Variants in SLC6A6 observed in about 807,000 individuals in gnomAD.
SLC6A6 encodes sodium- and chloride-dependent taurine transporter.
A neutral mutation model predicts 68.8 loss-of-function variants in SLC6A6; 16 were observed. That is an observed-to-expected ratio of 0.23 (90% CI 0.16 to 0.35). The LOEUF (loss-of-function observed/expected upper bound fraction) is 0.35. SLC6A6 is among the 10% of genes least tolerant of loss of function. The pLI is 1.00. For missense variants in SLC6A6, 474 were observed against 802.8 expected (o/e 0.59, Z 4.95); for synonymous variants, 312 against 315.4 (o/e 0.99, Z 0.12).
intron 2 of SLC6A6, among the ~76,000 whole-genome samples, chr3:14,442,819 G>A (rs1700022704): frequency 6.6e-6 from 1 of 152,194 alleles, no homozygotes; most frequent in Non-Finnish European, 1.5e-5. Context: ...AAGGGAACCT[G>A]GCTTATAGGA....
intron 6 of SLC6A6, among the ~76,000 whole-genome samples, chr3:14,465,198 A>G (rs931336528): frequency 2.6e-5 from 4 of 152,254 alleles, no homozygotes; most frequent in Non-Finnish European, 5.9e-5. Context: ...CCTTGTGTTG[A>G]ATAAGATGGG....
intron 2 of SLC6A6, among the ~76,000 whole-genome samples, chr3:14,431,959 T>G (rs1699734519): frequency 6.6e-6 from 1 of 152,184 alleles, no homozygotes; most frequent in Non-Finnish European, 1.5e-5. Context: ...AGGGTAACAC[T>G]GAGGCTGAAG....
At chr3:14,464,652 G>A (rs1700574932) in intron 6 of SLC6A6, among the ~76,000 whole-genome samples, 1 of 152,234 alleles carries the variant, frequency 6.6e-6, no homozygotes, top group Non-Finnish European at 1.5e-5. Flanking sequence ...GTGCCAGCTA[G>A]GTGAGGTTTG....
intron 6 of SLC6A6, among the ~76,000 whole-genome samples, chr3:14,462,964 A>T (rs1156881909): frequency 6.6e-6 from 1 of 152,082 alleles, no homozygotes. Flanking sequence ...GCCTGGGGAG[A>T]TACGTGGCCT....
intron 10 of SLC6A6, among the ~76,000 whole-genome samples, chr3:14,475,987 G>A (rs1457888766): frequency 1.3e-5 from 2 of 152,226 alleles, no homozygotes; most frequent in African/African-American, 4.8e-5. Context: ...CGTCCCAAAG[G>A]AGGAAGGGGT....
chr3:14,484,336 T>C (rs906605149), intron 14 of SLC6A6, among the ~76,000 whole-genome samples: 4 of 152,162 alleles, frequency 2.6e-5, no homozygotes, highest in African/African-American at 4.8e-5. Flanking sequence ...CTGGGAGGAC[T>C]GGATGCCTTC....
chr3:14,438,785 T>C (rs1241024910), intron 2 of SLC6A6, among the ~76,000 whole-genome samples: 3 of 152,234 alleles, frequency 2.0e-5, no homozygotes, highest in Non-Finnish European at 4.4e-5. Flanking sequence ...CAGAAGCTCC[T>C]GAGTGGTTAT....
chr3:14,450,808 A>G lies in SLC6A6; in HGVS notation c.599+2992A>G, dbSNP rs1700235517. On this transcript the variant is annotated intron_variant, in intron 5 of 14. Transcript: ENST00000622186. The surrounding 1 kb of genome is among the most constrained non-coding windows in gnomAD (Gnocchi z 4.1). ...AGAGCCTTCTCTTTTCTTGGCATGC[A>G]ATGGTGGAAAGGCAAGAGAACCAGT... 6.6e-6 allele frequency among the ~76,000 whole-genome samples: 1 copy of G among 152,232 alleles called. No individual in the cohort carries two copies. The highest frequency in any genetic ancestry group is 1.5e-5 in the Non-Finnish European group (1 of 68,032).
intron 2 of SLC6A6, among the ~76,000 whole-genome samples, chr3:14,440,530 C>T (rs192420264): frequency 6.6e-6 from 1 of 152,126 alleles, no homozygotes; most frequent in African/African-American, 2.4e-5. Flanking sequence ...GTGTTTTCTT[C>T]TAGGGGTGAG....
intron 6 of SLC6A6, among the ~76,000 whole-genome samples, chr3:14,459,757 C>T (rs1336713883): frequency 1.3e-5 from 2 of 152,094 alleles, no homozygotes; most frequent in Non-Finnish European, 2.9e-5. Flanking sequence ...TGTCCAAGGT[C>T]ACTTCCTCCT....
At position 14,415,127 on chromosome 3, in the gene SLC6A6, G is replaced by C. The variant is rs1273805360; in HGVS notation, c.-53-1285G>C. On this transcript the variant is annotated intron_variant, in intron 1 of 14. Transcript: ENST00000622186. ...GCCCAGCCTCTAGCCGGTGGTTCCA[G>C]GCCTCATGAGCTCAGGGACCTTGGC... is the stretch of plus-strand genomic sequence containing the variant. Among the ~76,000 whole-genome samples the C allele has an allele frequency of 3.9e-5, 6 of 152,160 alleles. No individual in the cohort carries two copies. In the East Asian group the frequency reaches 1.2e-3, roughly 29 times the overall value.
At chr3:14,418,619 G>T (rs1228984992) in intron 2 of SLC6A6, among the ~76,000 whole-genome samples, 3 of 152,186 alleles carry the variant, frequency 2.0e-5, no homozygotes, top group African/African-American at 7.2e-5. Flanking sequence ...CTCATATACT[G>T]CCGAGAGGTT....
chr3:14,421,773 G>C (rs1436758523), intron 2 of SLC6A6, among the ~76,000 whole-genome samples: 1 of 152,178 alleles, frequency 6.6e-6, no homozygotes, highest in African/African-American at 2.4e-5. Flanking sequence ...TGAGAAACTG[G>C]AAGTCAGCCA....
chr3:14,467,903 G>C lies in SLC6A6; in HGVS notation c.918G>C (p.Leu306=). The change falls in exon 8 of 15, where the codon CTG becomes CTC. Residue 306 remains leucine, a synonymous_variant. Transcript: ENST00000622186. The stretch of plus-strand genomic sequence containing the variant: ...TATTCTTCTCTTATGCCATCTGCCT[G>C]GGGGCTATGACCTCGCTGGGGAGCT... The part of the protein sequence containing the change: ...TQIFFSYAIC[L]GAMTSLGSYN... The C allele has an allele frequency of 1.2e-6, 2 of 1,613,708 alleles. No individual in the cohort carries two copies. The highest frequency in any genetic ancestry group is 1.1e-5 in the South Asian group (1 of 91,074).
intron 2 of SLC6A6, among the ~76,000 whole-genome samples, chr3:14,441,420 G>A (rs538624681): frequency 5.3e-5 from 8 of 152,250 alleles, no homozygotes; most frequent in South Asian, 2.1e-4. Flanking sequence ...TTGGCCTGTC[G>A]AATCCCGCGC....
At chr3:14,418,893 C>G (rs1286557132) in intron 2 of SLC6A6, among the ~76,000 whole-genome samples, 1 of 152,348 alleles carries the variant, frequency 6.6e-6, no homozygotes, top group East Asian at 1.9e-4. Flanking sequence ...TGAGCTGACT[C>G]TAGCCCACTT....
rs376610949 is a variant in SLC6A6 at position 14,477,174 on chromosome 3, G to C, written c.1210-31G>C. ...GGCAAGGGTGGCCTGAGCGTCAGCC[G>C]CTCACCAGCTCTCTCTCTTCCCCTC... On this transcript the variant is annotated intron_variant, in intron 10 of 14. Coordinates refer to ENST00000622186, the MANE Select transcript of SLC6A6 (RefSeq NM_003043.6). This position sits in a 1 kb window ranked among gnomAD's most constrained non-coding sequence, Gnocchi z 4.2. 6.3e-7 allele frequency: 1 copy of C among 1,598,622 alleles called. No homozygotes were observed. The highest frequency in any genetic ancestry group is 8.6e-7 in the Non-Finnish European group (1 of 1,169,042).
At chr3:14,448,254 T>G in intron 5 of SLC6A6, 1 of 222,402 alleles carries the variant, frequency 4.5e-6, no homozygotes, top group Non-Finnish European at 8.2e-6. Flanking sequence ...ATGCATCAGT[T>G]AGCTTTTGCT....
At position 14,472,418 on chromosome 3, in the gene SLC6A6, C is replaced by G. The variant is rs535310567; in HGVS notation, c.1209+101C>G. 3.4e-4 allele frequency: 252 copies of G among 731,056 alleles called. No homozygotes were observed. Among genetic ancestry groups the G allele is most frequent in the Admixed American group, 7.8e-4 (38 of 48,754 alleles). 45.3% of individuals were successfully genotyped at this position (731,056 alleles called of 1,614,324 possible). A position where few individuals can be genotyped will look rare whatever the true frequency, so the allele number is the denominator to read the frequency against. On this transcript the variant is annotated intron_variant, in intron 10 of 14. Coordinates refer to ENST00000622186, the MANE Select transcript of SLC6A6 (RefSeq NM_003043.6). The surrounding 1 kb of genome is among the most constrained non-coding windows in gnomAD (Gnocchi z 4.5). ...TGGGAGGTGGTCAACCCCCTTCCCC[C>G]CTCCAGTCAGACTTCCAGTGCTTCA...
Sources: allele counts gnomAD v4.1 joint callset (sites outside exome capture counted in the v4.1 genomes callset), GRCh38; gene constraint gnomAD v4.1.1; non-coding constraint Gnocchi (gnomAD v3.1); transcripts MANE v1.5; gene names NCBI Gene and HGNC (gene_info 2026-07-23, HGNC 2026-07-21).